The following MAPK9 variants were observed in gnomAD, a reference collection of about 807,000 sequenced individuals.
The protein encoded by MAPK9 is Jun kinase.
MAPK9 carries 30 observed loss-of-function variants against 57.1 expected under a neutral mutation model. The observed-to-expected ratio is 0.53, with a 90% confidence interval of 0.39 to 0.71. The LOEUF (loss-of-function observed/expected upper bound fraction) is 0.71. Ranked by LOEUF, MAPK9 falls within the 30% of genes least tolerant of loss-of-function variation. The probability of loss-of-function intolerance (pLI) is 0.00; values close to 1 mark genes in which losing one functional copy is unlikely to be tolerated. For synonymous variants in MAPK9, 155 were observed against 177.0 expected, an observed-to-expected ratio of 0.88 and a Z score of 0.99; for missense variants, 362 against 521.0, an observed-to-expected ratio of 0.69 and a Z score of 2.97.
intron 2 of MAPK9, among the ~76,000 whole-genome samples, chr5:180,275,108 C>A (rs1266173927): frequency 3.3e-5 from 5 of 152,118 alleles, no homozygotes; most frequent in Non-Finnish European, 5.9e-5. Flanking sequence ...ATGCCAATAT[C>A]TCCTATGGAT....
chr5:180,261,021 A>C (rs1759895401), intron 5 of MAPK9, among the ~76,000 whole-genome samples: 1 of 152,198 alleles, frequency 6.6e-6, no homozygotes, highest in African/African-American at 2.4e-5. Context: ...AAATCAGCTT[A>C]GAGAGAATTA....
chr5:180,273,577 G>A (rs1761553968), intron 2 of MAPK9, among the ~76,000 whole-genome samples: 1 of 152,142 alleles, frequency 6.6e-6, no homozygotes, highest in African/African-American at 2.4e-5. Context: ...CTACCCCAAA[G>A]ATCATGAAGA....
chr5:180,278,949 CTT>C (rs1436118485), intron 2 of MAPK9, among the ~76,000 whole-genome samples: 1 of 151,018 alleles, frequency 6.6e-6, no homozygotes, highest in Non-Finnish European at 1.5e-5. Flanking sequence ...CCTCCACTAA[CTT>C]TAAAACTTTT....
chr5:180,267,808 T>C (rs192601136), intron 3 of MAPK9, among the ~76,000 whole-genome samples: 169 of 126,214 alleles, frequency 1.3e-3, no homozygotes, highest in Middle Eastern at 0.011. Context: ...TGAGACCCTG[T>C]CTCAAAAAAA....
chr5:180,245,199 ACTGT>A (rs1372771375), intron 7 of MAPK9, among the ~76,000 whole-genome samples: 1 of 152,052 alleles, frequency 6.6e-6, no homozygotes. Flanking sequence ...CCTAAATTCC[ACTGT>A]CTAACAGACA....
chr5:180,284,564 C>T (rs1762580147), intron 1 of MAPK9, among the ~76,000 whole-genome samples: 1 of 152,210 alleles, frequency 6.6e-6, no homozygotes. Flanking sequence ...AGTGGTAAAA[C>T]ATTTTTTTAG....
At position 180,234,721 on chromosome 5, in the gene MAPK9, T is replaced by G. The variant is rs1266604206; in HGVS notation, c.*1663A>C. ...TCAATCCAAGTTATTATTACCATTT[T>G]GTACTTGAAAGTGTCCAAATGACAC... is the stretch of plus-strand genomic sequence containing the variant. On this transcript the variant is annotated 3_prime_UTR_variant, in exon 12 of 12. Coordinates refer to ENST00000452135, the MANE Select transcript of MAPK9 (RefSeq NM_002752.5). 6.6e-6 allele frequency: 1 copy of G among 152,164 alleles called. No individual in the cohort carries two copies. Among genetic ancestry groups the G allele is most frequent in the Non-Finnish European group, 1.5e-5 (1 of 68,042 alleles). The allele number at this position is 152,164 out of a possible 1,614,324, so 9.4% of individuals were successfully genotyped here. A position where few individuals can be genotyped will look rare whatever the true frequency, so the allele number is the denominator to read the frequency against.
chr5:180,258,683 G>T (rs141607343), intron 5 of MAPK9, among the ~76,000 whole-genome samples: 3 of 151,994 alleles, frequency 2.0e-5, no homozygotes, highest in Non-Finnish European at 4.4e-5. Context: ...AGTCGGTTCA[G>T]TTACCTCCAA....
chr5:180,249,813 G>A (rs1440015969), intron 5 of MAPK9, among the ~76,000 whole-genome samples: 1 of 152,088 alleles, frequency 6.6e-6, no homozygotes, highest in Non-Finnish European at 1.5e-5. Flanking sequence ...GAAAAATACT[G>A]AGATATTTTA....
chr5:180,247,380 G>A lies in MAPK9; in HGVS notation c.688+59C>T. 3.7e-6 allele frequency: 6 copies of A among 1,604,714 alleles called. No homozygotes were observed. The highest frequency in any genetic ancestry group is 5.1e-6 in the Non-Finnish European group (6 of 1,171,450). ...TCGTGAGCGCTCGTGTAAGCAGGTGGTCATGCTGCCTGAGGCATTAAGAAA... is the reference window on the plus strand; with the variant it reads ...TCGTGAGCGCTCGTGTAAGCAGGTGATCATGCTGCCTGAGGCATTAAGAAA... On this transcript the variant is annotated intron_variant, in intron 7 of 11. Coordinates refer to ENST00000452135, the MANE Select transcript of MAPK9 (RefSeq NM_002752.5). The surrounding 1 kb of genome is among the most constrained non-coding windows in gnomAD (Gnocchi z 4.5).
chr5:180,255,257 G>A (rs533488361), intron 5 of MAPK9, among the ~76,000 whole-genome samples: 4 of 152,204 alleles, frequency 2.6e-5, no homozygotes, highest in East Asian at 1.9e-4. Flanking sequence ...GGAAGCTTTT[G>A]GAGGATGCGT....
intron 1 of MAPK9, among the ~76,000 whole-genome samples, chr5:180,280,993 A>C (rs1336167295): frequency 6.6e-6 from 1 of 152,212 alleles, no homozygotes; most frequent in Non-Finnish European, 1.5e-5. Flanking sequence ...CTAGAGACGG[A>C]GGCATTGTTT....
rs1253723771 is a variant in MAPK9, at chr5:180,233,518, A to G, written c.*2866T>C. 1 of 152,242 alleles carries G rather than the reference A, an allele frequency of 6.6e-6. No homozygotes were observed. Among genetic ancestry groups the G allele is most frequent in the Non-Finnish European group, 1.5e-5 (1 of 68,048 alleles). The allele number at this position is 152,242 out of a possible 1,614,324, so 9.4% of individuals were successfully genotyped here. A position where few individuals can be genotyped will look rare whatever the true frequency, so the allele number is the denominator to read the frequency against. On this transcript the variant is annotated 3_prime_UTR_variant, in exon 12 of 12. Coordinates refer to ENST00000452135, the MANE Select transcript of MAPK9 (RefSeq NM_002752.5). ...TATCATCTATCTGTGTTCATGTTAAATCTGTCATCAGAGATGGTGATGGAG... is the reference window on the plus strand; with the variant it reads ...TATCATCTATCTGTGTTCATGTTAAGTCTGTCATCAGAGATGGTGATGGAG...
chr5:180,281,329 T>A (rs1025068787), intron 1 of MAPK9, among the ~76,000 whole-genome samples: 1 of 152,230 alleles, frequency 6.6e-6, no homozygotes, highest in African/African-American at 2.4e-5. Flanking sequence ...ATCCACTATG[T>A]CTGAGTGTAG....
intron 5 of MAPK9, among the ~76,000 whole-genome samples, chr5:180,251,098 CT>C (rs1758636261): frequency 6.6e-6 from 1 of 152,224 alleles, no homozygotes; most frequent in Non-Finnish European, 1.5e-5. Flanking sequence ...CATTTTTAGT[CT>C]ATCACTTGGC....
intron 2 of MAPK9, among the ~76,000 whole-genome samples, chr5:180,273,954 T>C (rs1761591608): frequency 1.3e-5 from 2 of 151,734 alleles, no homozygotes; most frequent in Non-Finnish European, 2.9e-5. Flanking sequence ...TATTTTTACA[T>C]ATAAATTTTA....
intron 3 of MAPK9, among the ~76,000 whole-genome samples, chr5:180,267,630 C>T (rs1010935289): frequency 2.0e-5 from 3 of 151,002 alleles, no homozygotes; most frequent in Non-Finnish European, 4.4e-5. Context: ...CCAACTCAAG[C>T]CACAGACTCA....
chr5:180,239,768 G>A (rs980592398), intron 10 of MAPK9, among the ~76,000 whole-genome samples, 156 bp downstream of exon 10: 1 of 152,100 alleles, frequency 6.6e-6, no homozygotes, highest in African/African-American at 2.4e-5. Context: ...TTCTCTTCAA[G>A]TTCATTTTCT....
chr5:180,239,915 C>T lies in MAPK9; in HGVS notation c.1060+9G>A. On this transcript the variant is annotated intron_variant, in intron 10 of 11. Coordinates refer to ENST00000452135, the MANE Select transcript of MAPK9 (RefSeq NM_002752.5). Reference sequence around the variant, plus strand: ...CAAAAGGAAGGATCAAAATAAGCTCCATCTTTACCTTTCCATTCTTCAATT... The same window carrying T: ...CAAAAGGAAGGATCAAAATAAGCTCTATCTTTACCTTTCCATTCTTCAATT... 6.2e-7 allele frequency: 1 copy of T among 1,611,360 alleles called. No homozygotes were observed. The highest frequency in any genetic ancestry group is 1.1e-5 in the South Asian group (1 of 91,024).
Sources: gnomAD v4.1 joint callset for allele counts (sites outside exome capture counted in the v4.1 genomes callset) on GRCh38, gnomAD v4.1.1 for gene constraint, Gnocchi (gnomAD v3.1) non-coding constraint, MANE v1.5 for transcripts, NCBI Gene and HGNC (gene_info 2026-07-23, HGNC 2026-07-21) for gene names.